Variants in CCDC61 observed in about 807,000 individuals in gnomAD.
CCDC61 encodes centrosomal protein CCDC61.
A neutral mutation model predicts 63.0 loss-of-function variants in CCDC61; 55 were observed. The ratio of observed to expected loss-of-function variants is 0.87; its 90% confidence interval spans 0.70 to 1.09. The LOEUF (loss-of-function observed/expected upper bound fraction) is 1.09. CCDC61 is among the 50% of genes least tolerant of loss of function. The pLI, the probability that CCDC61 is intolerant of heterozygous loss-of-function variation, is 0.00. For missense variants in CCDC61, 651 were observed against 731.4 expected (o/e 0.89, Z 1.27); for synonymous variants, 270 against 317.0 (o/e 0.85, Z 1.58).
rs375407497 is a variant in CCDC61 at position 46,006,680 on chromosome 19, G to A, written c.353G>A (p.Arg118His). 1.1e-5 allele frequency: 18 copies of A among 1,613,414 alleles called. No individual in the cohort carries two copies. The highest frequency in any genetic ancestry group is 8.8e-5 in the South Asian group (8 of 91,016). The change falls in exon 4 of 14, where the codon CGC (arginine) becomes CAC (histidine). Residue 118 changes from arginine to histidine, a missense_variant. Physicochemically the swap from Arg to His is conservative, Grantham distance 29 (BLOSUM62 0). Transcript: ENST00000595358. ...APRSAQLNSK[R>H]YLILIYSVEF... ...AGGTCGGCCCAGCTCAACTCCAAGC[G>A]CTACCTGATCCTCATCTACTCCGTG... is the stretch of plus-strand genomic sequence containing the variant.
intron 3 of CCDC61, among the ~76,000 whole-genome samples, chr19:46,005,626 C>G (rs556503700): frequency 6.6e-6 from 1 of 151,920 alleles, no homozygotes; most frequent in South Asian, 2.1e-4. Context: ...GTGGAAGATA[C>G]AAGTTTTCCA....
In CCDC61 at chr19:46,016,650, A is replaced by C; in HGVS notation, c.1092-44A>C. 1 of 1,607,056 alleles carries C rather than the reference A, an allele frequency of 6.2e-7. No homozygotes were observed. The highest frequency in any genetic ancestry group is 1.1e-5 in the South Asian group (1 of 89,768). The stretch of plus-strand genomic sequence containing the variant: ...GGGGCGCAGTGACCCCCTTGCCTGC[A>C]GGAGTTGGGCGTACAGACCGGCGTC... On this transcript the variant is annotated intron_variant, in intron 9 of 13. Transcript: ENST00000595358. This position sits in a 1 kb window ranked among gnomAD's most constrained non-coding sequence, Gnocchi z 7.2.
Position 46,015,033 on chromosome 19 carries a change from T to C in CCDC61, c.552-16T>C. 1 of 1,487,588 alleles carries C rather than the reference T, an allele frequency of 6.7e-7. No individual in the cohort carries two copies. The highest frequency in any genetic ancestry group is 8.9e-7 in the Non-Finnish European group (1 of 1,122,588). The allele number at this position is 1,487,588 out of a possible 1,614,324, so 92.1% of individuals were successfully genotyped here. Reference sequence around the variant, plus strand: ...CCATGCCTCTCTCTCCAGCGCTCTCTCCGCGTCTTCCCCAGGGTGTCGCGC... The same window carrying C: ...CCATGCCTCTCTCTCCAGCGCTCTCCCCGCGTCTTCCCCAGGGTGTCGCGC... On this transcript the variant is annotated splice_polypyrimidine_tract_variant and intron_variant, in intron 5 of 13. Coordinates refer to ENST00000595358, the MANE Select transcript of CCDC61 (RefSeq NM_001267723.2). The surrounding 1 kb of genome is among the most constrained non-coding windows in gnomAD (Gnocchi z 5.3).
chr19:46,003,337 G>A, intron 2 of CCDC61, 82 bp from the exon 3 acceptor site: 1 of 1,465,596 alleles, frequency 6.8e-7, no homozygotes, highest in East Asian at 2.4e-5. Context: ...ACTGGAGTCG[G>A]GTAGAATTGC....
rs148795885 is a variant in CCDC61, at chr19:46,015,157, C to G, written c.660C>G (p.Arg220=). ...RAARQEAEAL[R]GLVRGLELEL... ...CACGCCAGGAGGCCGAGGCGCTGCG[C>G]GGGCTGGTGCGCGGGCTGGAGCTGG... is the stretch of plus-strand genomic sequence containing the variant. The change falls in exon 6 of 14, where the codon CGC becomes CGG. Residue 220 remains arginine, a synonymous_variant. Coordinates refer to ENST00000595358, the MANE Select transcript of CCDC61 (RefSeq NM_001267723.2). The surrounding 1 kb of genome is among the most constrained non-coding windows in gnomAD (Gnocchi z 5.3). 0.018 allele frequency: 22,262 copies of G among 1,264,702 alleles called. 247 individuals are homozygous for G. Among genetic ancestry groups the G allele is most frequent in the Middle Eastern group, 0.031 (101 of 3,262 alleles). 78.3% of individuals were successfully genotyped at this position (1,264,702 alleles called of 1,614,324 possible).
chr19:46,004,925 G>A (rs756182135), intron 3 of CCDC61, among the ~76,000 whole-genome samples: 3 of 136,668 alleles, frequency 2.2e-5, no homozygotes, highest in Non-Finnish European at 4.6e-5. Context: ...TGCAACCTCC[G>A]CGTCTCGGGT....
chr19:46,008,226 T>C lies in CCDC61; in HGVS notation c.476T>C (p.Leu159Pro). The C allele has an allele frequency of 6.7e-7, 1 of 1,493,004 alleles. No individual in the cohort carries two copies. 92.5% of individuals were successfully genotyped at this position (1,493,004 alleles called of 1,614,324 possible). A position where few individuals can be genotyped will look rare whatever the true frequency, so the allele number is the denominator to read the frequency against. The change falls in exon 5 of 14, where the codon CTG (leucine) becomes CCG (proline). Residue 159 changes from leucine to proline, a missense_variant. Physicochemically the swap from Leu to Pro is moderately conservative, Grantham distance 98. Coordinates refer to ENST00000595358, the MANE Select transcript of CCDC61 (RefSeq NM_001267723.2). ...QGIIRSLKEE[L>P]GRLQGLDGQN... ...ATCATCCGGTCACTGAAGGAGGAAC[T>C]GGGCCGCCTGCAAGGGCTGGATGGC...
At position 46,016,509 on chromosome 19, in the gene CCDC61, C is replaced by G. The variant is rs1968939955; in HGVS notation, c.1091+116C>G. On this transcript the variant is annotated intron_variant, in intron 9 of 13. Coordinates refer to ENST00000595358, the MANE Select transcript of CCDC61 (RefSeq NM_001267723.2). The surrounding 1 kb of genome is among the most constrained non-coding windows in gnomAD (Gnocchi z 7.2). The stretch of plus-strand genomic sequence containing the variant: ...CCCCTGCCACCTGCTCGCTTCTCGC[C>G]GGATACCCCGCCTGCTCTCCCTTCC... 4 of 1,399,824 alleles carry G rather than the reference C, an allele frequency of 2.9e-6. No homozygotes were observed. The South Asian group carries it at 3.8e-5, about 13-fold the overall frequency. The allele number at this position is 1,399,824 out of a possible 1,614,324, so 86.7% of individuals were successfully genotyped here.
intron 3 of CCDC61, 178 bp downstream of exon 3, chr19:46,003,679 TATTCTC>T (rs1968637953): frequency 2.0e-6 from 1 of 489,538 alleles, no homozygotes; most frequent in African/African-American, 2.0e-5. Context: ...TAATGATAGT[TATTCTC>T]ATGTAGAAAA....
At chr19:46,000,097 T>G (rs1968562780) in intron 1 of CCDC61, 3 of 934,724 alleles carry the variant, frequency 3.2e-6, no homozygotes, top group Non-Finnish European at 3.8e-6. Flanking sequence ...GAGAGGGGGC[T>G]CAGGGTCCGG....
In CCDC61 at chr19:46,015,427, G is replaced by A. The variant is rs778841882; in HGVS notation, c.845G>A (p.Gly282Glu). Residue 282 changes from glycine (G) to glutamate (E), a missense_variant and splice_region_variant, in exon 7 of 14, where the codon GGG (glycine) becomes GAG (glutamate). Physicochemically the swap from Gly to Glu is moderately conservative, Grantham distance 98. Coordinates refer to ENST00000595358, the MANE Select transcript of CCDC61 (RefSeq NM_001267723.2). This position sits in a 1 kb window ranked among gnomAD's most constrained non-coding sequence, Gnocchi z 5.3. The stretch of plus-strand genomic sequence containing the variant: ...AGCGAGCTGGCATTGTACAAGAGGG[G>A]GTGAGAGCGAGGCCTGCCAGGCGCC... ...LTSELALYKR[G>E]RRTPPVQPPP... 2 of 1,598,636 alleles carry A rather than the reference G, an allele frequency of 1.3e-6. No individual in the cohort carries two copies. Among genetic ancestry groups the A allele is most frequent in the Non-Finnish European group, 1.7e-6 (2 of 1,177,466 alleles).
Position 46,015,171 on chromosome 19 carries a change from G to GGCTGGA in CCDC61, c.685_690dup (p.Glu229_Leu230dup), listed in dbSNP as rs1968902335. 5.5e-6 allele frequency: 7 copies of GGCTGGA among 1,276,162 alleles called. No homozygotes were observed. The highest frequency in any genetic ancestry group is 5.9e-6 in the Non-Finnish European group (6 of 1,016,390). The allele number at this position is 1,276,162 out of a possible 1,614,324, so 79.1% of individuals were successfully genotyped here. A position where few individuals can be genotyped will look rare whatever the true frequency, so the allele number is the denominator to read the frequency against. ...GAGGCGCTGCGCGGGCTGGTGCGCG[G>GGCTGGA]GCTGGAGCTGGAGCTGCGGCAGGAG... On this transcript the variant is annotated inframe_insertion, in exon 6 of 14. Coordinates refer to ENST00000595358, the MANE Select transcript of CCDC61 (RefSeq NM_001267723.2). The surrounding 1 kb of genome is among the most constrained non-coding windows in gnomAD (Gnocchi z 5.3).
intron 5 of CCDC61, among the ~76,000 whole-genome samples, chr19:46,009,599 T>C (rs1297696725): frequency 6.6e-6 from 1 of 152,170 alleles, no homozygotes; most frequent in African/African-American, 2.4e-5. Flanking sequence ...GCCGAGCCTC[T>C]GTTGTTTCCC....
At chr19:46,005,578 G>A (rs1568689912) in intron 3 of CCDC61, among the ~76,000 whole-genome samples, 1 of 151,846 alleles carries the variant, frequency 6.6e-6, no homozygotes, top group Non-Finnish European at 1.5e-5. Flanking sequence ...GATTTCCCCA[G>A]GAAAGTCTGT....
At chr19:45,996,690 G>A (rs1600636420) in intron 1 of CCDC61, among the ~76,000 whole-genome samples, 1 of 152,160 alleles carries the variant, frequency 6.6e-6, no homozygotes. Flanking sequence ...GTGAGCCACC[G>A]TGCCTGGCTA....
intron 12 of CCDC61, among the ~76,000 whole-genome samples, chr19:46,017,643 T>A (rs1486815278): frequency 1.3e-5 from 2 of 152,136 alleles, no homozygotes; most frequent in African/African-American, 4.8e-5. Context: ...CAAGCCATCC[T>A]CAGCCTCCTA....
At chr19:46,014,120 A>G (rs1487362633) in intron 5 of CCDC61, among the ~76,000 whole-genome samples, 1 of 152,018 alleles carries the variant, frequency 6.6e-6, no homozygotes, top group Non-Finnish European at 1.5e-5. Flanking sequence ...GAGAGGTCCA[A>G]TTTCTTACAT....
rs754267584 is a variant in CCDC61 at position 46,006,535 on chromosome 19, GCTC to G, written c.232-17_232-15del. On this transcript the variant is annotated intron_variant, in intron 3 of 13. Coordinates refer to ENST00000595358, the MANE Select transcript of CCDC61 (RefSeq NM_001267723.2). ...TGTGGCAGTGGCGGGTGCTGTGGCA[GCTC>G]CTCCTCTCCTCTCCTGACAGAGTAG... is the stretch of plus-strand genomic sequence containing the variant. The G allele has an allele frequency of 4.1e-6, 6 of 1,477,490 alleles. 1 individual carries two copies. In the South Asian group the frequency reaches 6.8e-5, roughly 17 times the overall value. The allele number at this position is 1,477,490 out of a possible 1,614,324, so 91.5% of individuals were successfully genotyped here. A position where few individuals can be genotyped will look rare whatever the true frequency, so the allele number is the denominator to read the frequency against.
chr19:46,005,998 G>C lies in CCDC61; in HGVS notation c.232-561G>C, dbSNP rs182235582. 1.3e-3 allele frequency among the ~76,000 whole-genome samples: 200 copies of C among 152,134 alleles called. 1 individual carries two copies. Among genetic ancestry groups the C allele is most frequent in the African/African-American group, 4.7e-3 (195 of 41,510 alleles). On this transcript the variant is annotated intron_variant, in intron 3 of 13. Transcript: ENST00000595358. ...TTCAATAAAATTAATAATTTTTACT[G>C]CTTCATCAAGAACATTCCGATGTTT...
Sources: allele counts gnomAD v4.1 joint callset (sites outside exome capture counted in the v4.1 genomes callset), GRCh38; gene constraint gnomAD v4.1.1; non-coding constraint Gnocchi (gnomAD v3.1); transcripts MANE v1.5; gene names NCBI Gene and HGNC (gene_info 2026-07-23, HGNC 2026-07-21).